Variants in CFAP299 observed in about 807,000 individuals in gnomAD.
The protein encoded by CFAP299 is cilia and flagella associated protein 299.
Under a neutral mutation model 27.0 loss-of-function variants are expected in CFAP299, and 21 were observed. The ratio of observed to expected loss-of-function variants is 0.78; its 90% CI spans 0.55 to 1.12. CFAP299 has a LOEUF of 1.12. Among genes scored for constraint, CFAP299 ranks in the 50% most tolerant of loss-of-function variants. The pLI is 0.00. For synonymous variants in CFAP299, 104 were observed against 98.1 expected, an observed-to-expected ratio of 1.06 and a Z score of -0.36; for missense variants, 310 against 276.6, an observed-to-expected ratio of 1.12 and a Z score of -0.86.
At chr4:80,627,415 T>C (rs1738967033) in intron 3 of CFAP299, among the ~76,000 whole-genome samples, 1 of 151,982 alleles carries the variant, frequency 6.6e-6, no homozygotes, top group Admixed American at 6.6e-5. Context: ...CAGCTTTTCC[T>C]CTAAGACACA....
At chr4:80,589,937 T>C (rs915885305) in intron 3 of CFAP299, among the ~76,000 whole-genome samples, 1 of 152,132 alleles carries the variant, frequency 6.6e-6, no homozygotes, top group African/African-American at 2.4e-5. Flanking sequence ...AGATAAATGA[T>C]TGAGGGAAAC....
intron 3 of CFAP299, among the ~76,000 whole-genome samples, chr4:80,665,743 C>T (rs2109986835): frequency 6.6e-6 from 1 of 152,286 alleles, no homozygotes; most frequent in South Asian, 2.1e-4. Flanking sequence ...GTGTTGGAAG[C>T]AGGGCCTAGG....
intron 5 of CFAP299, among the ~76,000 whole-genome samples, chr4:80,953,417 C>T (rs1459688931): frequency 6.6e-6 from 1 of 152,130 alleles, no homozygotes; most frequent in Non-Finnish European, 1.5e-5. Context: ...AACATTTTCT[C>T]CTCTGGGTAA....
chr4:80,461,718 A>G (rs1360684670), intron 2 of CFAP299, among the ~76,000 whole-genome samples: 2 of 152,132 alleles, frequency 1.3e-5, no homozygotes, highest in African/African-American at 2.4e-5. Context: ...TTGGTTTACA[A>G]ACTTTAGGTG....
chr4:80,490,638 G>A (rs1166378237), intron 2 of CFAP299, among the ~76,000 whole-genome samples: 1 of 152,130 alleles, frequency 6.6e-6, no homozygotes, highest in Non-Finnish European at 1.5e-5. Context: ...TACAGAAATA[G>A]TATAACTTAC....
intron 3 of CFAP299, among the ~76,000 whole-genome samples, chr4:80,848,386 C>T (rs976512983): frequency 3.3e-5 from 5 of 152,216 alleles, no homozygotes; most frequent in Admixed American, 2.6e-4. Flanking sequence ...AGAGTTTACT[C>T]GCACAAACCT....
intron 3 of CFAP299, among the ~76,000 whole-genome samples, chr4:80,676,666 A>G (rs1425685000): frequency 1.3e-5 from 2 of 151,730 alleles, no homozygotes; most frequent in African/African-American, 2.4e-5. Flanking sequence ...CTACTTCTTC[A>G]TGATTCAATC....
intron 3 of CFAP299, among the ~76,000 whole-genome samples, chr4:80,767,456 A>C (rs1725941265): frequency 2.0e-5 from 3 of 151,960 alleles, no homozygotes. Context: ...AAAAATACAA[A>C]AAATTAGCCA....
At chr4:80,387,834 T>TC (rs1261404432) in intron 2 of CFAP299, 1 of 1,448,102 alleles carries the variant, frequency 6.9e-7, no homozygotes, top group Non-Finnish European at 9.7e-7. Context: ...CTTCCAGGAG[T>TC]CCCCTGGTAC....
chr4:80,489,014 C>A (rs557480431), intron 2 of CFAP299, among the ~76,000 whole-genome samples: 3 of 152,240 alleles, frequency 2.0e-5, no homozygotes, highest in African/African-American at 7.2e-5. Context: ...TTGTCTGAAA[C>A]AAAAGAAATT....
chr4:80,559,511 C>T (rs1361502373), intron 2 of CFAP299, among the ~76,000 whole-genome samples: 2 of 152,042 alleles, frequency 1.3e-5, no homozygotes, highest in Non-Finnish European at 1.5e-5. Context: ...TGTGTAAGAA[C>T]CAAAAATCAT....
chr4:80,657,693 A>T (rs1740632761), intron 3 of CFAP299, among the ~76,000 whole-genome samples: 1 of 152,008 alleles, frequency 6.6e-6, no homozygotes. Flanking sequence ...TTTGCTTAGG[A>T]TTGTCTTTGC....
At chr4:80,793,099 ATGTGTGTGTG>A (rs149555055) in intron 3 of CFAP299, among the ~76,000 whole-genome samples, 1 of 145,152 alleles carries the variant, frequency 6.9e-6, no homozygotes, top group Non-Finnish European at 1.5e-5. Context: ...CCTATTAGTT[ATGTGTGTGTG>A]TGTGTGTGTG....
intron 3 of CFAP299, among the ~76,000 whole-genome samples, chr4:80,600,823 T>C (rs1032475517): frequency 2.0e-5 from 3 of 152,144 alleles, no homozygotes; most frequent in African/African-American, 4.8e-5. Context: ...ATAAGTTAAA[T>C]TTTAAATTCA....
chr4:80,362,163 T>C (rs184061704), intron 1 of CFAP299, among the ~76,000 whole-genome samples: 1 of 151,966 alleles, frequency 6.6e-6, no homozygotes, highest in Non-Finnish European at 1.5e-5. Flanking sequence ...GATCTGGGTT[T>C]CTACTTTTCT....
intron 2 of CFAP299, among the ~76,000 whole-genome samples, chr4:80,547,935 A>G (rs1251564714): frequency 6.6e-6 from 1 of 152,208 alleles, no homozygotes; most frequent in East Asian, 1.9e-4. Context: ...TAAGAATGTA[A>G]ATTAGTTTAG....
intron 1 of CFAP299, among the ~76,000 whole-genome samples, chr4:80,345,643 A>C (rs1722691753): frequency 6.6e-6 from 1 of 152,076 alleles, no homozygotes; most frequent in Non-Finnish European, 1.5e-5. Context: ...CATGGTGTCT[A>C]TGTGCCATAT....
In CFAP299 at chr4:80,725,013, C is replaced by G. The variant is rs910287513; in HGVS notation, c.333+141830C>G. 3.3e-5 allele frequency among the ~76,000 whole-genome samples: 5 copies of G among 150,292 alleles called. No homozygotes were observed. The East Asian group carries it at 9.8e-4, about 30-fold the overall frequency. ...CCCATGCTGGAGAGTGGCATGATCT[C>G]AGCTCACTGCAACCTCTGCCTCCCA... On this transcript the variant is annotated intron_variant, in intron 3 of 5. Transcript: ENST00000358105.
At chr4:80,572,586 C>T (rs543517271) in intron 2 of CFAP299, among the ~76,000 whole-genome samples, 22 of 123,352 alleles carry the variant, frequency 1.8e-4, no homozygotes, top group African/African-American at 5.2e-4. Context: ...GGTGCTATCT[C>T]GACTCACTGC....
Sources: allele counts gnomAD v4.1 joint callset (sites outside exome capture counted in the v4.1 genomes callset), GRCh38; gene constraint gnomAD v4.1.1; transcripts MANE v1.5; gene names NCBI Gene and HGNC (gene_info 2026-07-23, HGNC 2026-07-21).